ADAMTS7: variants seen among roughly 807,000 people sequenced by gnomAD.
The protein encoded by ADAMTS7 is A disintegrin and metalloproteinase with thrombospondin motifs 7.
A neutral mutation model predicts 172.6 loss-of-function variants in ADAMTS7; 89 were observed. The observed-to-expected ratio is 0.52, with a 90% confidence interval of 0.43 to 0.61. The LOEUF is 0.61. ADAMTS7 is among the 20% of genes least tolerant of loss of function. ADAMTS7 has a pLI of 0.00. For synonymous variants in ADAMTS7, 885 were observed against 978.4 expected, an observed-to-expected ratio of 0.90 and a Z score of 1.78; for missense variants, 1,973 against 2,355.6, an observed-to-expected ratio of 0.84 and a Z score of 3.36.
At chr15:78,774,829 C>T (rs368156778) in intron 11 of ADAMTS7, 36 bp from the exon 12 acceptor site, 111 of 1,553,966 alleles carry the variant, frequency 7.1e-5, no homozygotes, top group Non-Finnish European at 9.3e-5. Context: ...CAGTGACGGC[C>T]CAGTGAGTGC....
rs148196591 is a variant in ADAMTS7, at chr15:78,772,848, G to A, written c.2131+235C>T. On this transcript the variant is annotated intron_variant, in intron 14 of 23. Transcript: ENST00000388820. ...AAGGCCAAGGGGCCACACACAAGCC[G>A]GGTTGGCCCTATCTGGGGTGTCTGG... 5.3e-3 allele frequency among the ~76,000 whole-genome samples: 803 copies of A among 152,360 alleles called. 9 individuals are homozygous for A. Among genetic ancestry groups the A allele is most frequent in the African/African-American group, 0.018 (749 of 41,582 alleles).
intron 23 of ADAMTS7, among the ~76,000 whole-genome samples, chr15:78,760,369 C>A (rs2055023835): frequency 6.6e-6 from 1 of 152,170 alleles, no homozygotes; most frequent in Non-Finnish European, 1.5e-5. Flanking sequence ...CCACCCGGGC[C>A]CTGCTTACTC....
intron 7 of ADAMTS7, 119 bp from the exon 8 acceptor site, chr15:78,788,493 T>G: frequency 8.2e-7 from 1 of 1,219,448 alleles, no homozygotes; most frequent in Non-Finnish European, 1.1e-6. Context: ...TGCCACCCAA[T>G]GGCTGCACCC....
rs2055519630 is a variant in ADAMTS7, at chr15:78,787,532, C to G, written c.1322+699G>C. 2.6e-5 allele frequency among the ~76,000 whole-genome samples: 4 copies of G among 152,062 alleles called. No individual in the cohort carries two copies. In the South Asian group the frequency reaches 8.3e-4, roughly 32 times the overall value. ...TACAAAAAGTAGCCAGCCGTTGTGG[C>G]ACACGCCTGTAGTCCCAGCTACTCA... is the stretch of plus-strand genomic sequence containing the variant. On this transcript the variant is annotated intron_variant, in intron 8 of 23. Transcript: ENST00000388820.
At chr15:78,760,411 A>G (rs2904222) in intron 23 of ADAMTS7, among the ~76,000 whole-genome samples, 48,610 of 151,904 alleles carry the variant, frequency 0.32, 8,070 homozygotes, top group African/African-American at 0.39. Flanking sequence ...AGGAGCAGGA[A>G]GGCAGCAGCC....
At chr15:78,799,972 G>A (rs1375474200) in intron 2 of ADAMTS7, among the ~76,000 whole-genome samples, 1 of 151,870 alleles carries the variant, frequency 6.6e-6, no homozygotes, top group East Asian at 1.9e-4. Context: ...GACTACAGGT[G>A]CACCACCACC....
intron 12 of ADAMTS7, among the ~76,000 whole-genome samples, 159 bp from the exon 13 acceptor site, chr15:78,774,459 G>T (rs2055305400): frequency 6.6e-6 from 1 of 152,228 alleles, no homozygotes; most frequent in African/African-American, 2.4e-5. Context: ...TATCTGCAAG[G>T]CTGCAGACTG....
chr15:78,788,082 T>A, intron 8 of ADAMTS7, 149 bp downstream of exon 8: 1 of 1,082,254 alleles, frequency 9.2e-7, no homozygotes, highest in South Asian at 1.6e-5. Context: ...ACTGTCTGCA[T>A]CACCCCCATT....
Position 78,774,693 on chromosome 15 carries a change from G to A in ADAMTS7, c.1807C>T (p.Gln603Ter), listed in dbSNP as rs2055311034. 4.3e-6 allele frequency: 7 copies of A among 1,611,562 alleles called. No homozygotes were observed. Among genetic ancestry groups the A allele is most frequent in the Non-Finnish European group, 5.9e-6 (7 of 1,179,818 alleles). ...AGCATAGCGTCAAAGTGGCTGCACT[G>A]GACGTGGCGGAAGGAGGGGCGGCCA... Reference protein sequence around the residue: ...PAGRPSFRHVQCSHFDAMLYK... With the variant: ...PAGRPSFRHV The change falls in exon 12 of 24, where the codon CAG becomes TAG. Residue 603 changes from glutamine (Q) to a stop codon, truncating the protein, a stop_gained. Transcript: ENST00000388820. LOFTEE classifies it high-confidence loss of function.
At chr15:78,805,319 T>C (rs1263181306) in intron 1 of ADAMTS7, among the ~76,000 whole-genome samples, 1 of 152,230 alleles carries the variant, frequency 6.6e-6, no homozygotes, top group Non-Finnish European at 1.5e-5. Flanking sequence ...TGAAAAACGT[T>C]TTAGTCAATT....
chr15:78,810,458 G>C (rs2055850044), intron 1 of ADAMTS7: 1 of 152,342 alleles, frequency 6.6e-6, no homozygotes, highest in Admixed American at 6.5e-5. Context: ...AGGCTCGTCG[G>C]AGGCCGGCCC....
Position 78,766,732 on chromosome 15 carries a change from A to G in ADAMTS7, c.3179T>C (p.Val1060Ala). The change falls in exon 19 of 24, where the codon GTG becomes GCG. Residue 1060 changes from valine (V) to alanine (A), a missense_variant. By Grantham distance (64) the Val-to-Ala change is moderately conservative. Transcript: ENST00000388820. ...ATTGTAGTCGTAGTAGAAGTCGTCC[A>G]CAAACACGGGCCCCGGCAGGTCCAG... ...PELDLPGPVFVDDFYYDYNFI... is the reference protein window; with the variant it reads ...PELDLPGPVFADDFYYDYNFI... 1 of 1,610,820 alleles carries G rather than the reference A, an allele frequency of 6.2e-7. No homozygotes were observed. The highest frequency in any genetic ancestry group is 8.5e-7 in the Non-Finnish European group (1 of 1,179,840).
rs901311951 is a variant in ADAMTS7 at position 78,771,950 on chromosome 15, G to C, written c.2132-121C>G. ...TGCTGATGCCAAAGCTTTAAAGTCTGAGCTCCCTAAATTGCTCGGATCTGT... is the reference window on the plus strand; with the variant it reads ...TGCTGATGCCAAAGCTTTAAAGTCTCAGCTCCCTAAATTGCTCGGATCTGT... On this transcript the variant is annotated intron_variant, in intron 14 of 23. Transcript: ENST00000388820. The surrounding 1 kb of genome is among the most constrained non-coding windows in gnomAD (Gnocchi z 4.9). The C allele has an allele frequency of 7.1e-5, 100 of 1,417,406 alleles. No homozygotes were observed. The highest frequency in any genetic ancestry group is 9.1e-5 in the Non-Finnish European group (97 of 1,060,882). The allele number at this position is 1,417,406 out of a possible 1,614,324, so 87.8% of individuals were successfully genotyped here. A position where few individuals can be genotyped will look rare whatever the true frequency, so the allele number is the denominator to read the frequency against.
Position 78,759,901 on chromosome 15 carries a change from A to G in ADAMTS7, c.4904-323T>C, listed in dbSNP as rs538947713. ...GGCGACGCCTTGCCACCCCATCTCCATCCTTGCTCATCCCTGGTGTTCCCG... is the reference window on the plus strand; with the variant it reads ...GGCGACGCCTTGCCACCCCATCTCCGTCCTTGCTCATCCCTGGTGTTCCCG... On this transcript the variant is annotated intron_variant, in intron 23 of 23. Transcript: ENST00000388820. 3.9e-4 allele frequency among the ~76,000 whole-genome samples: 60 copies of G among 152,156 alleles called. No individual in the cohort carries two copies. The South Asian group carries it at 5.0e-3, about 13-fold the overall frequency.
At chr15:78,808,725 C>T (rs529373676) in intron 1 of ADAMTS7, among the ~76,000 whole-genome samples, 2 of 152,104 alleles carry the variant, frequency 1.3e-5, no homozygotes, top group African/African-American at 4.8e-5. Flanking sequence ...CAGTCTCGAC[C>T]GGTTATGTGC....
At chr15:78,764,247 A>T (rs1437513904) in intron 20 of ADAMTS7, 148 bp from the exon 21 acceptor site, 13 of 1,226,992 alleles carry the variant, frequency 1.1e-5, no homozygotes, top group Non-Finnish European at 1.4e-5. Context: ...CAAGGCTGGC[A>T]GGCCCCAGGC....
intron 18 of ADAMTS7, 24 bp downstream of exon 18, chr15:78,767,355 G>A: frequency 1.2e-6 from 2 of 1,610,358 alleles, no homozygotes; most frequent in East Asian, 2.2e-5. Context: ...GCTGGAGGCG[G>A]GCCCCTTCCC....
chr15:78,789,501 C>A (rs535698743), intron 7 of ADAMTS7, among the ~76,000 whole-genome samples, 188 bp downstream of exon 7: 1 of 152,388 alleles, frequency 6.6e-6, no homozygotes, highest in South Asian at 2.1e-4. Flanking sequence ...CTCTCTCCTG[C>A]TTTACAGGGA....
chr15:78,790,752 T>C lies in ADAMTS7; in HGVS notation c.946A>G (p.Ser316Gly). The change falls in exon 6 of 24, where the codon AGC (serine) becomes GGC (glycine). Residue 316 changes from serine (S) to glycine (G), a missense_variant. Transcript: ENST00000388820. ...ITHHADNTLK[S>G]FCKWQKSINM... ...ATGCTTTTCTGCCACTTGCAGAAGC[T>C]CTTCAGGGTGTTGTCTGCATGGTGC... 6.2e-7 allele frequency: 1 copy of C among 1,613,944 alleles called. No homozygotes were observed. Among genetic ancestry groups the C allele is most frequent in the South Asian group, 1.1e-5 (1 of 91,070 alleles).
Sources: allele counts gnomAD v4.1 joint callset (sites outside exome capture counted in the v4.1 genomes callset), GRCh38; gene constraint gnomAD v4.1.1; non-coding constraint Gnocchi (gnomAD v3.1); transcripts MANE v1.5; gene names NCBI Gene and HGNC (gene_info 2026-07-23, HGNC 2026-07-21).